Variants in SLC24A2 observed in about 807,000 individuals in gnomAD.
The protein encoded by SLC24A2 is solute carrier family 24 member 2.
A neutral mutation model predicts 62.0 loss-of-function variants in SLC24A2; 36 were observed. That is an observed-to-expected ratio of 0.58 (90% confidence interval 0.44 to 0.77). The LOEUF is 0.77. SLC24A2 is among the 30% of genes least tolerant of loss of function. The pLI, the probability that SLC24A2 is intolerant of heterozygous loss-of-function variation, is 0.00. For missense variants in SLC24A2, 846 were observed against 817.9 expected (o/e 1.03, Z -0.42); for synonymous variants, 358 against 294.0 (o/e 1.22, Z -2.23).
rs546517524 is a variant in SLC24A2, at chr9:19,566,246, A to T, written c.1347+7105T>A. ...CAAAGGGCTAATATCCAGAATCTACAATGAACTCAAACAAATTTACAAGAA... is the reference window on the plus strand; with the variant it reads ...CAAAGGGCTAATATCCAGAATCTACTATGAACTCAAACAAATTTACAAGAA... On this transcript the variant is annotated intron_variant, in intron 7 of 10. Transcript: ENST00000341998. Among the ~76,000 whole-genome samples, 216 of 149,930 alleles carry T rather than the reference A, an allele frequency of 1.4e-3. 1 individual carries two copies. Among genetic ancestry groups the T allele is most frequent in the South Asian group, 3.4e-3 (16 of 4,718 alleles).
intron 2 of SLC24A2, among the ~76,000 whole-genome samples, chr9:19,670,204 G>A (rs185546627): frequency 5.3e-5 from 8 of 152,302 alleles, no homozygotes; most frequent in African/African-American, 1.2e-4. Context: ...AATTGTAGCT[G>A]TAGGTGGTAA....
the SLC24A2 span, among the ~76,000 whole-genome samples, chr9:19,826,067 C>A: frequency 6.8e-6 from 1 of 147,798 alleles, no homozygotes; most frequent in African/African-American, 2.5e-5. Flanking sequence ...ATGATTAAAA[C>A]AAAATGCCTG....
the SLC24A2 span, among the ~76,000 whole-genome samples, chr9:19,891,469 G>T: frequency 6.6e-6 from 1 of 152,238 alleles, no homozygotes; most frequent in Non-Finnish European, 1.5e-5. Context: ...ACCAGCATCT[G>T]CTTCTGGTTA....
the SLC24A2 span, among the ~76,000 whole-genome samples, chr9:20,230,374 T>C: frequency 6.6e-6 from 1 of 152,208 alleles, no homozygotes; most frequent in Non-Finnish European, 1.5e-5. Context: ...TTCCTATTTC[T>C]CCACATCCTC....
At chr9:20,219,861 G>A in the SLC24A2 span, among the ~76,000 whole-genome samples, 2 of 152,082 alleles carry the variant, frequency 1.3e-5, no homozygotes, top group African/African-American at 2.4e-5. Context: ...CATCTCAACT[G>A]TAAAATTAGT....
At chr9:20,162,093 A>T in the SLC24A2 span, among the ~76,000 whole-genome samples, 1 of 151,700 alleles carries the variant, frequency 6.6e-6, no homozygotes, top group Non-Finnish European at 1.5e-5. Context: ...TTAACCTATA[A>T]AATTCAGTAA....
At chr9:20,078,180 G>A in the SLC24A2 span, among the ~76,000 whole-genome samples, 1 of 152,146 alleles carries the variant, frequency 6.6e-6, no homozygotes, top group East Asian at 1.9e-4. Context: ...TTCCCTGAGA[G>A]GCTTCAGTGC....
chr9:19,688,139 T>C (rs75062375), intron 2 of SLC24A2, among the ~76,000 whole-genome samples: 4,559 of 152,198 alleles, frequency 0.03, 152 homozygotes, highest in East Asian at 0.095. Flanking sequence ...AATCTTGAAG[T>C]AAGGTGCTAT....
the SLC24A2 span, among the ~76,000 whole-genome samples, chr9:19,827,641 C>G: frequency 6.6e-6 from 1 of 152,060 alleles, no homozygotes; most frequent in South Asian, 2.1e-4. Flanking sequence ...TCCTTCTGTT[C>G]TACCTCCCTC....
chr9:20,183,348 G>C, the SLC24A2 span, among the ~76,000 whole-genome samples: 1,441 of 152,288 alleles, frequency 9.5e-3, 29 homozygotes, highest in African/African-American at 0.033. Context: ...CACAGAAGTT[G>C]TGATGAGTGC....
chr9:20,155,148 G>GAA, the SLC24A2 span, among the ~76,000 whole-genome samples: 4 of 113,174 alleles, frequency 3.5e-5, no homozygotes, highest in Admixed American at 8.6e-5. Context: ...AAAAGAAAAA[G>GAA]AAAAAAAAAA....
chr9:19,596,042 G>C lies in SLC24A2; in HGVS notation c.1129+1187C>G, dbSNP rs117637046. On this transcript the variant is annotated intron_variant, in intron 5 of 10. Coordinates refer to ENST00000341998, the MANE Select transcript of SLC24A2 (RefSeq NM_020344.4). ...TGTGAGATCCTAGTAGTGGTCTGCTGCTTTAGAAAATATCATGGTGGTTAA... is the reference window on the plus strand; with the variant it reads ...TGTGAGATCCTAGTAGTGGTCTGCTCCTTTAGAAAATATCATGGTGGTTAA... Among the ~76,000 whole-genome samples, 1,306 of 152,272 alleles carry C rather than the reference G, an allele frequency of 8.6e-3. 14 individuals are homozygous for C. Among genetic ancestry groups the C allele is most frequent in the Non-Finnish European group, 0.014 (920 of 68,016 alleles).
At chr9:20,048,853 C>G in the SLC24A2 span, among the ~76,000 whole-genome samples, 1 of 151,816 alleles carries the variant, frequency 6.6e-6, no homozygotes. Flanking sequence ...TTCCCCACCC[C>G]CATCCTATTT....
chr9:19,856,360 G>C, the SLC24A2 span, among the ~76,000 whole-genome samples: 1 of 152,232 alleles, frequency 6.6e-6, no homozygotes, highest in East Asian at 1.9e-4. Context: ...GAGAAGAAGA[G>C]GCACTCTGGC....
the SLC24A2 span, among the ~76,000 whole-genome samples, chr9:20,256,341 C>T: frequency 6.6e-6 from 1 of 152,162 alleles, no homozygotes; most frequent in Non-Finnish European, 1.5e-5. Context: ...ACCAGCTCTG[C>T]TCTGATGTGT....
chr9:20,050,272 C>T, the SLC24A2 span, among the ~76,000 whole-genome samples: 25 of 149,560 alleles, frequency 1.7e-4, no homozygotes, highest in Non-Finnish European at 3.4e-4. Flanking sequence ...AAAATTTAGC[C>T]GGTCATGGTG....
intron 2 of SLC24A2, among the ~76,000 whole-genome samples, chr9:19,706,209 AT>A (rs1820510474): frequency 6.7e-6 from 1 of 150,290 alleles, no homozygotes; most frequent in Non-Finnish European, 1.5e-5. Context: ...GTCTCTTTTG[AT>A]CTTTGTTGGT....
intron 2 of SLC24A2, among the ~76,000 whole-genome samples, chr9:19,738,120 T>C (rs1418008730): frequency 6.6e-6 from 1 of 152,178 alleles, no homozygotes; most frequent in Non-Finnish European, 1.5e-5. Context: ...CTATACTTCA[T>C]TATGCAAGGA....
chr9:19,526,200 G>C (rs184046736), intron 9 of SLC24A2, among the ~76,000 whole-genome samples: 44 of 152,190 alleles, frequency 2.9e-4, no homozygotes, highest in Middle Eastern at 6.8e-3. Flanking sequence ...TCTTTGTACT[G>C]TGTAATATTC....
Sources: gnomAD v4.1 joint callset for allele counts (sites outside exome capture counted in the v4.1 genomes callset) on GRCh38, gnomAD v4.1.1 for gene constraint, MANE v1.5 for transcripts, NCBI Gene and HGNC (gene_info 2026-07-23, HGNC 2026-07-21) for gene names.